Variants in ZNF385D observed in about 807,000 individuals in gnomAD.
The protein encoded by ZNF385D is zinc finger protein 385D.
Under a neutral mutation model 35.8 loss-of-function variants are expected in ZNF385D, and 15 were observed. That is an observed-to-expected ratio of 0.42 (90% CI 0.28 to 0.64). The LOEUF is 0.64. Ranked by LOEUF, ZNF385D falls within the 30% of genes least tolerant of loss-of-function variation. ZNF385D has a pLI of 0.23. For synonymous variants in ZNF385D, 212 were observed against 186.8 expected (o/e 1.13, Z -1.10); for missense variants, 474 against 494.6 (o/e 0.96, Z 0.39).
chr3:21,755,447 C>T (rs2070298027), upstream of ZNF385D, among the ~76,000 whole-genome samples: 1 of 152,184 alleles, frequency 6.6e-6, no homozygotes, highest in South Asian at 2.1e-4. Context: ...TGTGTGAAAC[C>T]TAAAGTATGG....
At chr3:21,678,010 A>G (rs1417071777) in intron 1 of ZNF385D, among the ~76,000 whole-genome samples, 2 of 151,988 alleles carry the variant, frequency 1.3e-5, no homozygotes, top group Non-Finnish European at 2.9e-5. Context: ...TTATTCATCA[A>G]TTATATTTCC....
chr3:21,553,042 C>G (rs1343398831), intron 3 of ZNF385D, among the ~76,000 whole-genome samples: 1 of 152,068 alleles, frequency 6.6e-6, no homozygotes, highest in Non-Finnish European at 1.5e-5. Flanking sequence ...CTGGCCCTTG[C>G]TGTTTTTGAA....
intron 3 of ZNF385D, among the ~76,000 whole-genome samples, chr3:21,997,055 A>G (rs1695507028): frequency 6.6e-6 from 1 of 152,188 alleles, no homozygotes; most frequent in Non-Finnish European, 1.5e-5. Context: ...GTTTTAAAAA[A>G]AAACTGTGAT....
intron 2 of ZNF385D, among the ~76,000 whole-genome samples, chr3:22,227,372 T>C (rs1698624104): frequency 6.6e-6 from 1 of 152,164 alleles, no homozygotes; most frequent in African/African-American, 2.4e-5. Context: ...TTGTGTGTCA[T>C]AAGACCCTCA....
intron 2 of ZNF385D, among the ~76,000 whole-genome samples, chr3:22,183,267 T>C (rs1439622664): frequency 6.6e-6 from 1 of 152,192 alleles, no homozygotes; most frequent in Non-Finnish European, 1.5e-5. Flanking sequence ...AATTAAATTA[T>C]CTTAAAAATT....
intron 3 of ZNF385D, among the ~76,000 whole-genome samples, chr3:21,558,350 T>C (rs556279154): frequency 5.9e-4 from 82 of 138,904 alleles, no homozygotes; most frequent in African/African-American, 2.0e-3. Context: ...TTCTGGTACA[T>C]TGTGTCTTTT....
At chr3:22,139,200 G>A (rs553620789) in intron 3 of ZNF385D, among the ~76,000 whole-genome samples, 3,025 of 152,046 alleles carry the variant, frequency 0.02, 34 homozygotes, top group Non-Finnish European at 0.029. Context: ...TGTGGAAGTC[G>A]GTGTGGCGAT....
chr3:22,068,271 A>G (rs1258584257), intron 3 of ZNF385D, among the ~76,000 whole-genome samples: 2 of 152,038 alleles, frequency 1.3e-5, no homozygotes, highest in Non-Finnish European at 2.9e-5. Context: ...TTTTTCACCT[A>G]GTAATACTGT....
Position 21,806,209 on chromosome 3 carries a change from A to ATT in ZNF385D, c.326-141183_326-141182dup, listed in dbSNP as rs111922265. On this transcript the variant is annotated intron_variant, in intron 3 of 5. Transcript: ENST00000494108. The stretch of plus-strand genomic sequence containing the variant: ...CTTTCTTTTTTTTTTTAAATTTCTT[A>ATT]TTTTTTTTTTTTGTGAGGGGGCAGG... Among the ~76,000 whole-genome samples the ATT allele has an allele frequency of 6.0e-3, 649 of 108,426 alleles. 5 individuals are homozygous for ATT. The highest frequency in any genetic ancestry group is 0.02 in the African/African-American group (571 of 28,744). 71.1% of individuals were successfully genotyped at this position (108,426 alleles called of 152,430 possible).
At position 22,009,666 on chromosome 3, in the gene ZNF385D, G is replaced by A. The variant is rs529586507; in HGVS notation, c.325+159151C>T. On this transcript the variant is annotated intron_variant, in intron 3 of 5. Transcript: ENST00000494108. ...AAAAAAGATTCAATGAGAAATCAAG[G>A]TGCAGAAGGATGTGTCAAATATGAC... 8.6e-5 allele frequency among the ~76,000 whole-genome samples: 13 copies of A among 151,598 alleles called. No individual in the cohort carries two copies. The East Asian group carries it at 2.1e-3, about 25-fold the overall frequency.
intron 2 of ZNF385D, among the ~76,000 whole-genome samples, chr3:21,635,561 TTTG>T (rs139247316): frequency 0.62 from 93,390 of 151,114 alleles, 29,286 homozygotes; most frequent in Non-Finnish European, 0.66. Context: ...GTTTGTTTGT[TTTG>T]TTGTTGTTGT....
intron 1 of ZNF385D, among the ~76,000 whole-genome samples, chr3:21,668,041 C>T (rs1328163926): frequency 6.6e-6 from 1 of 152,012 alleles, no homozygotes; most frequent in Non-Finnish European, 1.5e-5. Flanking sequence ...AAGCAGAGGA[C>T]ATGTGTCTAC....
At chr3:22,294,995 T>TCA (rs2125403413) in intron 2 of ZNF385D, among the ~76,000 whole-genome samples, 1 of 152,126 alleles carries the variant, frequency 6.6e-6, no homozygotes, top group East Asian at 1.9e-4. Context: ...ATACACACAC[T>TCA]CACACACATG....
At chr3:22,153,098 A>C (rs1187491830) in intron 3 of ZNF385D, among the ~76,000 whole-genome samples, 1 of 151,942 alleles carries the variant, frequency 6.6e-6, no homozygotes, top group East Asian at 1.9e-4. Context: ...GCATACAACC[A>C]TTTTCTACAT....
At chr3:22,313,811 T>C (rs1038959504) in intron 2 of ZNF385D, among the ~76,000 whole-genome samples, 1 of 152,190 alleles carries the variant, frequency 6.6e-6, no homozygotes, top group African/African-American at 2.4e-5. Flanking sequence ...TTATCCTTCA[T>C]AACTAAAAAC....
intron 3 of ZNF385D, among the ~76,000 whole-genome samples, chr3:22,099,736 G>T (rs144254478): frequency 6.6e-6 from 1 of 151,988 alleles, no homozygotes; most frequent in Admixed American, 6.6e-5. Context: ...AGCGTAAGGA[G>T]AGCTGAAGCC....
chr3:22,100,023 G>A (rs1431775539), intron 3 of ZNF385D, among the ~76,000 whole-genome samples: 2 of 151,548 alleles, frequency 1.3e-5, no homozygotes, highest in African/African-American at 4.9e-5. Context: ...GTGGGCAAAG[G>A]ATATGAACAG....
intron 3 of ZNF385D, among the ~76,000 whole-genome samples, chr3:21,939,295 A>G (rs1456860608): frequency 2.0e-5 from 3 of 152,196 alleles, no homozygotes; most frequent in African/African-American, 7.2e-5. Context: ...TTTAGTCAGG[A>G]TAACAACACT....
intron 3 of ZNF385D, among the ~76,000 whole-genome samples, chr3:22,032,348 G>A (rs2125483678): frequency 6.6e-6 from 1 of 152,298 alleles, no homozygotes; most frequent in East Asian, 1.9e-4. Flanking sequence ...TCTTGACAAG[G>A]CAGCAGGAGA....
Sources: allele counts gnomAD v4.1 joint callset (sites outside exome capture counted in the v4.1 genomes callset), GRCh38; gene constraint gnomAD v4.1.1; transcripts MANE v1.5; gene names NCBI Gene and HGNC (gene_info 2026-07-23, HGNC 2026-07-21).